The following ZNF333 variants were observed in gnomAD, a reference collection of about 807,000 sequenced individuals.
ZNF333 encodes zinc finger protein 333.
ZNF333 carries 61 observed loss-of-function variants against 76.1 expected under a neutral mutation model. The ratio of observed to expected loss-of-function variants is 0.80; its 90% CI spans 0.65 to 0.99. The LOEUF (loss-of-function observed/expected upper bound fraction) is 0.99. ZNF333 is among the 50% of genes least tolerant of loss of function. The pLI is 0.00. For synonymous variants in ZNF333, 284 were observed against 305.0 expected, an observed-to-expected ratio of 0.93 and a Z score of 0.72; for missense variants, 717 against 822.4, an observed-to-expected ratio of 0.87 and a Z score of 1.57.
At chr19:14,704,137 C>T (rs2042043878) in intron 5 of ZNF333, among the ~76,000 whole-genome samples, 1 of 152,086 alleles carries the variant, frequency 6.6e-6, no homozygotes, top group African/African-American at 2.4e-5. Context: ...TGAAATGTCT[C>T]ATAGCCTCTT....
intron 2 of ZNF333, among the ~76,000 whole-genome samples, chr19:14,693,978 TCTAAAAA>T (rs1442886520): frequency 1.4e-5 from 1 of 72,418 alleles, no homozygotes; most frequent in Non-Finnish European, 2.5e-5. Context: ...AAACCTTGTC[TCTAAAAA>T]AAAAAAAAAA....
At chr19:14,693,410 T>C in intron 1 of ZNF333, 41 bp from the exon 2 acceptor site, 2 of 1,530,430 alleles carry the variant, frequency 1.3e-6, no homozygotes, top group Non-Finnish European at 1.8e-6. Context: ...TCTGCTTCCG[T>C]CCTCACCCCT....
rs757054001 is a variant in ZNF333, at chr19:14,706,810, C to T, written c.511+37C>T. The T allele has an allele frequency of 1.3e-6, 2 of 1,565,414 alleles. 1 individual carries two copies. Among genetic ancestry groups the T allele is most frequent in the Non-Finnish European group, 1.8e-6 (2 of 1,141,530 alleles). On this transcript the variant is annotated intron_variant, in intron 7 of 11. Coordinates refer to ENST00000292530, the MANE Select transcript of ZNF333 (RefSeq NM_032433.4). ...CTGCGTGGAACACGTGGCCAGAGGG[C>T]CCTGCTGTCCTTGTGTTCTGTCCAG...
rs749810013 is a variant in ZNF333 at position 14,699,225 on chromosome 19, G to T, written c.250G>T (p.Glu84Ter). ...VAWESQLKPE[E>*]LPSMQDLLEE... ...CTGGGAATCTCAACTTAAACCCGAAGAGTTGCCTTCTATGCAGGATCTTTT... is the reference window on the plus strand; with the variant it reads ...CTGGGAATCTCAACTTAAACCCGAATAGTTGCCTTCTATGCAGGATCTTTT... The change falls in exon 5 of 12, where the codon GAG becomes TAG. Residue 84 changes from glutamate to a stop codon, truncating the protein, a stop_gained. Coordinates refer to ENST00000292530, the MANE Select transcript of ZNF333 (RefSeq NM_032433.4). LOFTEE classifies it high-confidence loss of function. 1 of 1,613,914 alleles carries T rather than the reference G, an allele frequency of 6.2e-7. No homozygotes were observed. The highest frequency in any genetic ancestry group is 2.2e-5 in the East Asian group (1 of 44,864).
chr19:14,695,463 A>G (rs1973110104), intron 3 of ZNF333, 103 bp from the exon 4 acceptor site: 2 of 1,116,502 alleles, frequency 1.8e-6, no homozygotes, highest in Admixed American at 2.0e-5. Context: ...GAGAATCTGA[A>G]GCCCATATTG....
rs767423477 is a variant in ZNF333 at position 14,718,858 on chromosome 19, T to C, written c.1531T>C (p.Cys511Arg). 1 of 1,613,958 alleles carries C rather than the reference T, an allele frequency of 6.2e-7. No homozygotes were observed. The highest frequency in any genetic ancestry group is 1.1e-5 in the South Asian group (1 of 91,078). The change falls in exon 12 of 12, where the codon TGT (cysteine) becomes CGT (arginine). Residue 511 changes from cysteine to arginine, a missense_variant. Transcript: ENST00000292530. ...AGAGAAACCATATGAATGCAACCAG[T>C]GTGGCAAGCCCTTCCGGACGAGCAC... ...TREKPYECNQCGKPFRTSTHL... is the reference protein window; with the variant it reads ...TREKPYECNQRGKPFRTSTHL...
chr19:14,698,691 A>G (rs1197661151), intron 4 of ZNF333, among the ~76,000 whole-genome samples: 1 of 151,630 alleles, frequency 6.6e-6, no homozygotes, highest in South Asian at 2.1e-4. Flanking sequence ...TACAAAAAAA[A>G]TTAGCCAGAC....
At chr19:14,691,678 T>C (rs1186877022) in intron 1 of ZNF333, among the ~76,000 whole-genome samples, 1 of 79,500 alleles carries the variant, frequency 1.3e-5, no homozygotes, top group Non-Finnish European at 2.8e-5. Flanking sequence ...CATATTGTCT[T>C]TTTTTTTTTT....
intron 11 of ZNF333, 115 bp downstream of exon 11, chr19:14,717,848 C>T: frequency 2.0e-6 from 2 of 1,016,248 alleles, no homozygotes; most frequent in South Asian, 1.5e-5. Flanking sequence ...GAAGTGTTTA[C>T]CCAGAAGGAA....
rs1182106106 is a variant in ZNF333 at position 14,691,811 on chromosome 19, T to C, written c.-41-1640T>C. ...CGTGCCTCAGCTTCCCAGGCAGCTGTGATTATAGGCGCCCGCCACCATGCC... is the reference window on the plus strand; with the variant it reads ...CGTGCCTCAGCTTCCCAGGCAGCTGCGATTATAGGCGCCCGCCACCATGCC... On this transcript the variant is annotated intron_variant, in intron 1 of 11. Transcript: ENST00000292530. 9.2e-5 allele frequency among the ~76,000 whole-genome samples: 14 copies of C among 151,744 alleles called. No individual in the cohort carries two copies. In the South Asian group the frequency reaches 2.5e-3, roughly 27 times the overall value.
chr19:14,727,560 C>T (rs2042641804), intron 11 of ZNF333, among the ~76,000 whole-genome samples: 1 of 152,160 alleles, frequency 6.6e-6, no homozygotes, highest in South Asian at 2.1e-4. Context: ...TGACTTACAG[C>T]AAAGGGATTA....
In ZNF333 at chr19:14,721,144, AT is replaced by A. The variant is rs1447272655; in HGVS notation, c.*1820del. 3.8e-6 allele frequency: 1 copy of A among 265,926 alleles called. No homozygotes were observed. Among genetic ancestry groups the A allele is most frequent in the East Asian group, 1.8e-4 (1 of 5,642 alleles). The allele number at this position is 265,926 out of a possible 1,614,324, so 16.5% of individuals were successfully genotyped here. A position where few individuals can be genotyped will look rare whatever the true frequency, so the allele number is the denominator to read the frequency against. ...CTGACACTTTGAGGTATGTACTGTT[AT>A]CCCCAATTCCCAGATGAGGAAGCTG... is the stretch of plus-strand genomic sequence containing the variant. On this transcript the variant is annotated 3_prime_UTR_variant, in exon 12 of 12. Transcript: ENST00000292530.
chr19:14,706,342 C>G (rs2042109970), intron 6 of ZNF333: 1 of 387,540 alleles, frequency 2.6e-6, no homozygotes, highest in African/African-American at 2.1e-5. Flanking sequence ...CGCATTCACG[C>G]AGGTCCACCT....
At chr19:14,699,305 G>A (rs1213415862) in intron 5 of ZNF333, 24 bp downstream of exon 5, 11 of 1,604,360 alleles carry the variant, frequency 6.9e-6, no homozygotes, top group Admixed American at 3.3e-5. Context: ...GGTTTTCCCC[G>A]GCTCCCAGCA....
In ZNF333 at chr19:14,697,357, C is replaced by CTTT. The variant is rs139125023; in HGVS notation, c.223+1716_223+1718dup. 1.8e-3 allele frequency among the ~76,000 whole-genome samples: 165 copies of CTTT among 90,814 alleles called. 3 individuals carry two copies. The highest frequency in any genetic ancestry group is 3.0e-3 in the African/African-American group (68 of 22,560). The allele number at this position is 90,814 out of a possible 152,430, so 59.6% of individuals were successfully genotyped here. A position where few individuals can be genotyped will look rare whatever the true frequency, so the allele number is the denominator to read the frequency against. On this transcript the variant is annotated intron_variant, in intron 4 of 11. Coordinates refer to ENST00000292530, the MANE Select transcript of ZNF333 (RefSeq NM_032433.4). ...GTGTACAATATTTCTTTTTTCTTTT[C>CTTT]TTTTTTTTTTTTTTTTTTTTTTGAG...
At chr19:14,701,741 T>C (rs1263836059) in intron 5 of ZNF333, 25 of 985,356 alleles carry the variant, frequency 2.5e-5, no homozygotes, top group Non-Finnish European at 2.9e-5. Flanking sequence ...TAATGGGTGC[T>C]GAGAGTGGCA....
chr19:14,717,146 TTTGGAAA>T (rs2042458088), intron 10 of ZNF333, 57 bp downstream of exon 10: 40 of 1,469,568 alleles, frequency 2.7e-5, no homozygotes, highest in Non-Finnish European at 3.0e-5. Flanking sequence ...GAGTGTCCAG[TTTGGAAA>T]CTGTCTTATC....
intron 11 of ZNF333, among the ~76,000 whole-genome samples, chr19:14,727,424 A>G (rs2042640870): frequency 6.6e-6 from 1 of 152,166 alleles, no homozygotes; most frequent in South Asian, 2.1e-4. Context: ...GGAAGCTTGT[A>G]ATCACAGCAG....
At chr19:14,730,864 G>A (rs144578286) in intron 11 of ZNF333, among the ~76,000 whole-genome samples, 6 of 151,748 alleles carry the variant, frequency 4.0e-5, no homozygotes, top group African/African-American at 1.2e-4. Flanking sequence ...TTATGTTCAC[G>A]TGTACCCAAT....
Sources: gnomAD v4.1 joint callset for allele counts (sites outside exome capture counted in the v4.1 genomes callset) on GRCh38, gnomAD v4.1.1 for gene constraint, MANE v1.5 for transcripts, NCBI Gene and HGNC (gene_info 2026-07-23, HGNC 2026-07-21) for gene names.